UQCC1: variants seen among roughly 807,000 people sequenced by gnomAD.
UQCC1 encodes the protein bFGF-repressed Zic-binding protein.
A neutral mutation model predicts 48.0 loss-of-function variants in UQCC1; 38 were observed. The observed-to-expected ratio is 0.79, with a 90% CI of 0.61 to 1.04. The LOEUF (loss-of-function observed/expected upper bound fraction) is 1.04, where lower values mean the gene tolerates loss of function less well. UQCC1 is among the 50% of genes least tolerant of loss of function. The pLI is 0.00. For missense variants in UQCC1, 368 were observed against 381.8 expected (o/e 0.96, Z 0.30); for synonymous variants, 111 against 129.2 (o/e 0.86, Z 0.95).
chr20:35,376,943 C>A, intron 4 of UQCC1, among the ~76,000 whole-genome samples: 1 of 147,712 alleles, frequency 6.8e-6, no homozygotes, highest in Non-Finnish European at 1.5e-5. Flanking sequence ...AGTGAGACTC[C>A]ATCTCAAAAC....
chr20:35,306,234 G>A (rs1005956728), intron 9 of UQCC1, among the ~76,000 whole-genome samples: 1 of 152,162 alleles, frequency 6.6e-6, no homozygotes, highest in African/African-American at 2.4e-5. Flanking sequence ...GTGAAATGCT[G>A]CCTGCTGCCC....
rs907962610 is a variant in UQCC1 at position 35,336,660 on chromosome 20, G to A, written c.573+10504C>T. 5.3e-5 allele frequency among the ~76,000 whole-genome samples: 8 copies of A among 152,112 alleles called. No homozygotes were observed. In the East Asian group the frequency reaches 7.7e-4, roughly 15 times the overall value. On this transcript the variant is annotated intron_variant, in intron 7 of 9. Transcript: ENST00000374385. ...CCCATGAAACTGATTTCTGGCCTCCGGTACTGTAAGAGAATAAATTTTTGT... is the reference window on the plus strand; with the variant it reads ...CCCATGAAACTGATTTCTGGCCTCCAGTACTGTAAGAGAATAAATTTTTGT...
At chr20:35,408,971 A>G (rs974326658) in intron 1 of UQCC1, among the ~76,000 whole-genome samples, 1 of 152,256 alleles carries the variant, frequency 6.6e-6, no homozygotes, top group Non-Finnish European at 1.5e-5. Flanking sequence ...GATTCCACTT[A>G]TATGAGGTAC....
At chr20:35,403,531 T>G (rs2062200348) in intron 1 of UQCC1, among the ~76,000 whole-genome samples, 1 of 152,132 alleles carries the variant, frequency 6.6e-6, no homozygotes, top group African/African-American at 2.4e-5. Context: ...TACAAAGAAC[T>G]GGCATTATTC....
chr20:35,306,465 C>T, intron 9 of UQCC1: 1 of 559,016 alleles, frequency 1.8e-6, no homozygotes, highest in Non-Finnish European at 3.2e-6. Context: ...TTCTCTCTCT[C>T]TTCCCATTTC....
At chr20:35,391,396 T>C (rs2062012769) in intron 2 of UQCC1, among the ~76,000 whole-genome samples, 1 of 151,512 alleles carries the variant, frequency 6.6e-6, no homozygotes, top group Non-Finnish European at 1.5e-5. Flanking sequence ...CCCACAGGGG[T>C]GGATCACTTG....
chr20:35,311,397 T>C (rs2060992329), intron 8 of UQCC1, among the ~76,000 whole-genome samples: 1 of 152,258 alleles, frequency 6.6e-6, no homozygotes, highest in East Asian at 1.9e-4. Context: ...TTTGTGACTA[T>C]GGAACTGTTC....
intron 3 of UQCC1, among the ~76,000 whole-genome samples, chr20:35,382,231 C>T (rs908889606): frequency 1.3e-5 from 2 of 152,026 alleles, no homozygotes; most frequent in Non-Finnish European, 2.9e-5. Context: ...CTCAGCCTCC[C>T]AAGTAGCTGG....
chr20:35,354,703 G>A lies in UQCC1; in HGVS notation c.465-7431C>T, dbSNP rs115467602. On this transcript the variant is annotated intron_variant, in intron 6 of 9. Coordinates refer to ENST00000374385, the MANE Select transcript of UQCC1 (RefSeq NM_018244.5). ...AGCCACCATGCCCAGCCAAAGGAGGGCAAATTCTCATTACTCCTAAAACAT... is the reference window on the plus strand; with the variant it reads ...AGCCACCATGCCCAGCCAAAGGAGGACAAATTCTCATTACTCCTAAAACAT... 2.3e-3 allele frequency among the ~76,000 whole-genome samples: 351 copies of A among 152,138 alleles called. 1 individual carries two copies. Among genetic ancestry groups the A allele is most frequent in the African/African-American group, 7.8e-3 (325 of 41,506 alleles).
intron 1 of UQCC1, among the ~76,000 whole-genome samples, chr20:35,406,431 GA>G (rs1407968505): frequency 1.3e-5 from 2 of 152,194 alleles, no homozygotes; most frequent in East Asian, 3.8e-4. Context: ...GTAGCAGCCA[GA>G]AGGCAGTGGG....
chr20:35,344,097 G>T (rs765323990), intron 7 of UQCC1: 2 of 152,138 alleles, frequency 1.3e-5, no homozygotes, highest in African/African-American at 2.4e-5. Context: ...GCTTAAAAAA[G>T]AATTCCAAAG....
chr20:35,381,863 GA>G, intron 4 of UQCC1, 54 bp downstream of exon 4: 1 of 1,021,724 alleles, frequency 9.8e-7, no homozygotes, highest in East Asian at 2.4e-5. Context: ...AATCTATTAG[GA>G]GCAGAAAGCA....
At chr20:35,336,597 CAGA>C (rs1169867208) in intron 7 of UQCC1, among the ~76,000 whole-genome samples, 1 of 152,080 alleles carries the variant, frequency 6.6e-6, no homozygotes, top group East Asian at 1.9e-4. Context: ...CTAGAACCTC[CAGA>C]AGAAGCACAG....
intron 7 of UQCC1, among the ~76,000 whole-genome samples, chr20:35,335,586 T>C (rs981959421): frequency 5.9e-5 from 9 of 152,342 alleles, no homozygotes; most frequent in African/African-American, 2.2e-4. Flanking sequence ...CTGCATATTA[T>C]ATGATCCTAT....
chr20:35,342,965 T>C (rs2061396745), intron 7 of UQCC1, among the ~76,000 whole-genome samples: 1 of 152,176 alleles, frequency 6.6e-6, no homozygotes, highest in Admixed American at 6.6e-5. Context: ...AAATAAAAAA[T>C]TTCCCACCAA....
At chr20:35,411,270 C>T (rs2062359420) in intron 1 of UQCC1, among the ~76,000 whole-genome samples, 1 of 152,130 alleles carries the variant, frequency 6.6e-6, no homozygotes, top group South Asian at 2.1e-4. Context: ...AGTAGTTTCA[C>T]ACACGGGTGC....
intron 7 of UQCC1, among the ~76,000 whole-genome samples, chr20:35,332,657 C>T (rs966727169): frequency 6.6e-6 from 1 of 152,172 alleles, no homozygotes; most frequent in Non-Finnish European, 1.5e-5. Context: ...AGAAGAGCTC[C>T]CCACACCAGA....
Position 35,394,187 on chromosome 20 carries a change from T to C in UQCC1, c.34A>G (p.Thr12Ala), listed in dbSNP as rs773563735. ...ALLVRVLRNQ[T>A]SISQWVPVCS... ...ACTGGAACCCACTGAGAAATGCTAG[T>C]CTGGTTCCTCTAAAGAAAGAAAATA... The change falls in exon 2 of 10, where the codon ACT becomes GCT. Residue 12 changes from threonine (T) to alanine (A), a missense_variant. Physicochemically the swap from Thr to Ala is moderately conservative, Grantham distance 58. Transcript: ENST00000374385. The C allele has an allele frequency of 6.2e-7, 1 of 1,613,732 alleles. No homozygotes were observed.
At chr20:35,326,030 G>A (rs1379018462) in intron 7 of UQCC1, among the ~76,000 whole-genome samples, 1 of 152,158 alleles carries the variant, frequency 6.6e-6, no homozygotes, top group African/African-American at 2.4e-5. Context: ...AAATTGCATG[G>A]ACAGATTTAT....
Sources: allele counts gnomAD v4.1 joint callset (sites outside exome capture counted in the v4.1 genomes callset), GRCh38; gene constraint gnomAD v4.1.1; transcripts MANE v1.5; gene names NCBI Gene and HGNC (gene_info 2026-07-23, HGNC 2026-07-21).